ACACA: variants seen among roughly 807,000 people sequenced by gnomAD.
The protein encoded by ACACA is acetyl-CoA carboxylase alpha, also known as acetyl-CoA carboxylase 1.
A neutral mutation model predicts 296.1 loss-of-function variants in ACACA; 103 were observed. The observed-to-expected ratio is 0.35, with a 90% confidence interval of 0.30 to 0.41. The LOEUF (loss-of-function observed/expected upper bound fraction) is 0.41, where lower values mean the gene tolerates loss of function less well. Ranked by LOEUF, ACACA falls within the 10% of genes least tolerant of loss-of-function variation. The pLI is 1.00. For missense variants in ACACA, 1,554 were observed against 2,989.7 expected (o/e 0.52, Z 11.20); for synonymous variants, 953 against 1,038.6 (o/e 0.92, Z 1.58).
At chr17:37,336,340 T>A (rs1302363516) in intron 2 of ACACA, among the ~76,000 whole-genome samples, 1 of 152,106 alleles carries the variant, frequency 6.6e-6, no homozygotes, top group Non-Finnish European at 1.5e-5. Flanking sequence ...TGGGTTTTCC[T>A]GTTGAGAGGG....
intron 45 of ACACA, chr17:37,143,965 G>A: frequency 1.1e-6 from 1 of 946,144 alleles, no homozygotes; most frequent in South Asian, 1.3e-5. Flanking sequence ...TTTGATTTTT[G>A]GGCGATACTC....
chr17:37,137,878 G>C (rs1239226214), intron 45 of ACACA, among the ~76,000 whole-genome samples: 1 of 152,166 alleles, frequency 6.6e-6, no homozygotes, highest in Non-Finnish European at 1.5e-5. Context: ...CAATGGGTCA[G>C]GTAGAAAATG....
At chr17:37,296,865 T>G (rs2083359873) in intron 3 of ACACA, among the ~76,000 whole-genome samples, 2 of 151,254 alleles carry the variant, frequency 1.3e-5, no homozygotes, top group African/African-American at 2.4e-5. Context: ...TACAGGATCC[T>G]ACCACCACAC....
chr17:37,293,339 T>C (rs1175484914), intron 3 of ACACA, among the ~76,000 whole-genome samples: 1 of 152,196 alleles, frequency 6.6e-6, no homozygotes, highest in Non-Finnish European at 1.5e-5. Flanking sequence ...TAGAATTATG[T>C]GTTAACTAGA....
At chr17:37,165,790 C>G (rs560799267) in intron 41 of ACACA, among the ~76,000 whole-genome samples, 1 of 151,624 alleles carries the variant, frequency 6.6e-6, no homozygotes, top group Non-Finnish European at 1.5e-5. Context: ...ATCCTCCCAT[C>G]TCAGCCTCCC....
intron 3 of ACACA, among the ~76,000 whole-genome samples, chr17:37,300,817 C>A (rs1025911154): frequency 2.0e-5 from 3 of 152,222 alleles, no homozygotes; most frequent in African/African-American, 4.8e-5. Context: ...TTCACATCAT[C>A]CCTTCCACAA....
chr17:37,277,022 G>C lies in ACACA; in HGVS notation c.802+11C>G, dbSNP rs377428466. The C allele has an allele frequency of 1.0e-4, 164 of 1,610,046 alleles. No homozygotes were observed. The highest frequency in any genetic ancestry group is 1.3e-4 in the Non-Finnish European group (156 of 1,176,354). Reference sequence around the variant, plus strand: ...AAACAGAAAGACGGACAATATGTCAGAACAGCTTACCCATGAAGGCAATGC... The same window carrying C: ...AAACAGAAAGACGGACAATATGTCACAACAGCTTACCCATGAAGGCAATGC... On this transcript the variant is annotated intron_variant, in intron 7 of 55. Transcript: ENST00000616317.
Position 37,330,444 on chromosome 17 carries a change from G to A in ACACA, c.86-19C>T. 6.2e-7 allele frequency: 1 copy of A among 1,613,962 alleles called. No homozygotes were observed. The highest frequency in any genetic ancestry group is 8.5e-7 in the Non-Finnish European group (1 of 1,179,966). On this transcript the variant is annotated intron_variant, in intron 2 of 55. Coordinates refer to ENST00000616317, the MANE Select transcript of ACACA (RefSeq NM_198834.3). Reference sequence around the variant, plus strand: ...CTTACAGCTATGGAGAAAATGAAAAGTGAGAAAGGCAGGTTATGAATAATA... The same window carrying A: ...CTTACAGCTATGGAGAAAATGAAAAATGAGAAAGGCAGGTTATGAATAATA...
At chr17:37,322,959 A>G (rs1161682191) in intron 3 of ACACA, among the ~76,000 whole-genome samples, 1 of 152,254 alleles carries the variant, frequency 6.6e-6, no homozygotes, top group African/African-American at 2.4e-5. Context: ...TTTCTGGTAC[A>G]CTGGGCAAGA....
At position 37,144,154 on chromosome 17, in the gene ACACA, C is replaced by T. The variant is rs765724928; in HGVS notation, c.5679+5710G>A. 2.7e-4 allele frequency: 202 copies of T among 750,472 alleles called. No individual in the cohort carries two copies. In the Middle Eastern group the frequency reaches 4.0e-3, roughly 15 times the overall value. 46.5% of individuals were successfully genotyped at this position (750,472 alleles called of 1,614,324 possible). On this transcript the variant is annotated intron_variant, in intron 45 of 55. Transcript: ENST00000616317. The stretch of plus-strand genomic sequence containing the variant: ...CTGTTTAGCAGACATGGTCTTCCAC[C>T]TCTCTGAGCACTTCTTAGAAAACTG...
At chr17:37,209,941 A>G (rs1357549803) in intron 30 of ACACA, among the ~76,000 whole-genome samples, 4 of 152,238 alleles carry the variant, frequency 2.6e-5, no homozygotes, top group Non-Finnish European at 5.9e-5. Flanking sequence ...TAATCTTATT[A>G]TAGGTCTGAA....
chr17:37,356,855 C>T (rs2049165569), intron 1 of ACACA, among the ~76,000 whole-genome samples: 1 of 152,024 alleles, frequency 6.6e-6, no homozygotes, highest in African/African-American at 2.4e-5. Context: ...GGATATTAGC[C>T]ATCCAATTAA....
Position 37,258,361 on chromosome 17 carries a change from T to C in ACACA, c.1513A>G (p.Ile505Val), listed in dbSNP as rs2081307882. 6.2e-7 allele frequency: 1 copy of C among 1,613,846 alleles called. No individual in the cohort carries two copies. The highest frequency in any genetic ancestry group is 1.1e-5 in the South Asian group (1 of 91,076). The change falls in exon 13 of 56, where the codon ATT (isoleucine) becomes GTT (valine). Residue 505 changes from isoleucine to valine, a missense_variant. Ile to Val is a conservative substitution (Grantham distance 29). This residue lies in a region of ACACA where 37 missense variants were observed against 49.9 expected (regional missense o/e 0.74). Coordinates refer to ENST00000616317, the MANE Select transcript of ACACA (RefSeq NM_198834.3). ...PAAQLQIAMG[I>V]PLYRIKDIRM... is the part of the protein sequence containing the mutation. ...ATATCCTTGATTCTATATAGAGGAA[T>C]CCCCATGGCAATCTGAAAGGTAATA...
At chr17:37,269,221 G>T (rs1198831465) in intron 10 of ACACA, among the ~76,000 whole-genome samples, 1 of 152,070 alleles carries the variant, frequency 6.6e-6, no homozygotes. Flanking sequence ...CAATGCTCCC[G>T]CTTTAGACTC....
intron 39 of ACACA, among the ~76,000 whole-genome samples, chr17:37,184,205 C>T (rs545690445): frequency 6.6e-6 from 1 of 152,208 alleles, no homozygotes; most frequent in African/African-American, 2.4e-5. Flanking sequence ...ATACATGTAA[C>T]TCCTCACACA....
intron 44 of ACACA, 54 bp from the exon 45 acceptor site, chr17:37,150,028 T>C (rs1014191708): frequency 7.4e-6 from 11 of 1,493,436 alleles, no homozygotes; most frequent in Non-Finnish European, 9.3e-6. Flanking sequence ...TCTGAAGCTA[T>C]AAGAACTAAG....
At chr17:37,198,945 A>C (rs145435380) in intron 35 of ACACA, among the ~76,000 whole-genome samples, 1,933 of 152,360 alleles carry the variant, frequency 0.013, 22 homozygotes, top group Middle Eastern at 0.051. Context: ...AATTGCTAAA[A>C]CCAAACCAAA....
At chr17:37,174,020 A>ATAT (rs552735515) in intron 41 of ACACA, among the ~76,000 whole-genome samples, 8 of 16,790 alleles carry the variant, frequency 4.8e-4, no homozygotes, top group African/African-American at 1.0e-3. Context: ...ATATATATAT[A>ATAT]TTTTTTTTTT....
intron 41 of ACACA, among the ~76,000 whole-genome samples, chr17:37,178,128 A>T (rs2077187180): frequency 6.6e-6 from 1 of 152,192 alleles, no homozygotes; most frequent in South Asian, 2.1e-4. Flanking sequence ...CTCTCTTTTT[A>T]GGTTTGTTAC....
Sources: gnomAD v4.1 joint callset for allele counts (sites outside exome capture counted in the v4.1 genomes callset) on GRCh38, gnomAD v4.1.1 for gene constraint, gnomAD v4.1.1 regional missense constraint, MANE v1.5 for transcripts, NCBI Gene and HGNC (gene_info 2026-07-23, HGNC 2026-07-21) for gene names.